ARHGEF18: variants seen among roughly 807,000 people sequenced by gnomAD.
The protein encoded by ARHGEF18 is Rho/Rac guanine nucleotide exchange factor 18, also known as rho guanine nucleotide exchange factor 18.
Under a neutral mutation model 155.7 loss-of-function variants are expected in ARHGEF18, and 93 were observed. That is an observed-to-expected ratio of 0.60 (90% confidence interval 0.50 to 0.71). ARHGEF18 has a LOEUF of 0.71. Ranked by LOEUF, ARHGEF18 falls within the 30% of genes least tolerant of loss-of-function variation. ARHGEF18 has a pLI of 0.00. For synonymous variants in ARHGEF18, 742 were observed against 753.1 expected, an observed-to-expected ratio of 0.99 and a Z score of 0.24; for missense variants, 1,593 against 1,816.1, an observed-to-expected ratio of 0.88 and a Z score of 2.23.
At chr19:7,398,908 G>T (rs1186368824) in intron 10 of ARHGEF18, among the ~76,000 whole-genome samples, 2 of 152,320 alleles carry the variant, frequency 1.3e-5, no homozygotes, top group East Asian at 3.9e-4. Context: ...GTGGTGACTG[G>T]CTGTGCCTCC....
chr19:7,380,073 G>C (rs1443228948), intron 7 of ARHGEF18, among the ~76,000 whole-genome samples: 1 of 151,604 alleles, frequency 6.6e-6, no homozygotes, highest in Non-Finnish European at 1.5e-5. Context: ...GGGGGTGTGG[G>C]GGTGTTGACG....
intron 10 of ARHGEF18, among the ~76,000 whole-genome samples, chr19:7,405,622 TG>T (rs1288276511): frequency 6.6e-6 from 1 of 152,248 alleles, no homozygotes; most frequent in African/African-American, 2.4e-5. Flanking sequence ...TTTTAGTTTT[TG>T]TTTTTGAAAC....
Position 7,367,707 on chromosome 19 carries a change from T to C in ARHGEF18, c.15+4802T>C, listed in dbSNP as rs1460502710. ...GTTGCAGTGAGCCAAGATCGCACCATTGCACTCCAGCCTAGGCAACAAGAG... is the reference window on the plus strand; with the variant it reads ...GTTGCAGTGAGCCAAGATCGCACCACTGCACTCCAGCCTAGGCAACAAGAG... On this transcript the variant is annotated intron_variant, in intron 2 of 28. Transcript: ENST00000668164. 2.8e-5 allele frequency among the ~76,000 whole-genome samples: 4 copies of C among 142,364 alleles called. No individual in the cohort carries two copies. The East Asian group carries it at 8.2e-4, about 29-fold the overall frequency. The allele number at this position is 142,364 out of a possible 152,430, so 93.4% of individuals were successfully genotyped here.
intron 23 of ARHGEF18, among the ~76,000 whole-genome samples, chr19:7,466,063 G>A (rs932948921): frequency 1.3e-5 from 2 of 151,038 alleles, no homozygotes; most frequent in South Asian, 2.1e-4. Flanking sequence ...TAGCCTGGGC[G>A]ACCAAGCAAG....
At chr19:7,424,996 G>C (rs1301932126) in intron 10 of ARHGEF18, among the ~76,000 whole-genome samples, 1 of 136,592 alleles carries the variant, frequency 7.3e-6, no homozygotes, top group South Asian at 2.3e-4. Flanking sequence ...ACGTCTCGGG[G>C]AAAAAAAAAA....
At chr19:7,371,767 G>A (rs903212330) in intron 2 of ARHGEF18, among the ~76,000 whole-genome samples, 1 of 151,790 alleles carries the variant, frequency 6.6e-6, no homozygotes, top group East Asian at 1.9e-4. Flanking sequence ...GTTGCAGTGA[G>A]CTGAGATTGT....
chr19:7,451,623 C>T (rs911888511), intron 16 of ARHGEF18, among the ~76,000 whole-genome samples: 1 of 151,914 alleles, frequency 6.6e-6, no homozygotes, highest in Non-Finnish European at 1.5e-5. Context: ...CTGTGTTACC[C>T]AGGCTGGTGT....
chr19:7,423,766 C>G (rs1973496624), intron 10 of ARHGEF18, among the ~76,000 whole-genome samples: 1 of 151,432 alleles, frequency 6.6e-6, no homozygotes, highest in Non-Finnish European at 1.5e-5. Context: ...CACCTGATGC[C>G]AAAGCCTGTG....
intron 10 of ARHGEF18, among the ~76,000 whole-genome samples, chr19:7,418,078 A>G (rs1973122446): frequency 6.6e-6 from 1 of 152,130 alleles, no homozygotes; most frequent in Admixed American, 6.6e-5. Flanking sequence ...TGAGCAGAGG[A>G]GGGACATGCC....
At position 7,470,041 on chromosome 19, in the gene ARHGEF18, C is replaced by A. The variant is rs1976926259; in HGVS notation, c.3913+12C>A. Reference sequence around the variant, plus strand: ...TGCGCCCCCACCAGGTGAGCCCCCACCCCCTGACATGAGCCCAGTCCCAGG... The same window carrying A: ...TGCGCCCCCACCAGGTGAGCCCCCAACCCCTGACATGAGCCCAGTCCCAGG... On this transcript the variant is annotated intron_variant, in intron 28 of 28. Transcript: ENST00000668164. This position sits in a 1 kb window ranked among gnomAD's most constrained non-coding sequence, Gnocchi z 5.9. 6.2e-7 allele frequency: 1 copy of A among 1,612,274 alleles called. No homozygotes were observed. Among genetic ancestry groups the A allele is most frequent in the East Asian group, 2.2e-5 (1 of 44,838 alleles).
rs762633646 is a variant in ARHGEF18 at position 7,467,697 on chromosome 19, C to T, written c.3480+13C>T. The T allele has an allele frequency of 1.1e-4, 161 of 1,472,826 alleles. No individual in the cohort carries two copies. Among genetic ancestry groups the T allele is most frequent in the Non-Finnish European group, 1.4e-4 (154 of 1,121,838 alleles). 91.2% of individuals were successfully genotyped at this position (1,472,826 alleles called of 1,614,324 possible). A position where few individuals can be genotyped will look rare whatever the true frequency, so the allele number is the denominator to read the frequency against. ...CACACTGGCCGAGGTGAGCGCGCAG[C>T]AGCCAGTGTGCGCAGGTTGGGGGTG... is the stretch of plus-strand genomic sequence containing the variant. On this transcript the variant is annotated intron_variant, in intron 26 of 28. Coordinates refer to ENST00000668164, the MANE Select transcript of ARHGEF18 (RefSeq NM_001367823.1).
chr19:7,375,722 T>C lies in ARHGEF18; in HGVS notation c.278T>C (p.Leu93Pro). 8.1e-7 allele frequency: 1 copy of C among 1,234,342 alleles called. No individual in the cohort carries two copies. Among genetic ancestry groups the C allele is most frequent in the Non-Finnish European group, 1.0e-6 (1 of 988,202 alleles). The allele number at this position is 1,234,342 out of a possible 1,614,324, so 76.5% of individuals were successfully genotyped here. A position where few individuals can be genotyped will look rare whatever the true frequency, so the allele number is the denominator to read the frequency against. Residue 93 changes from leucine (L) to proline (P), a missense_variant and splice_region_variant, in exon 4 of 29, where the codon CTC (leucine) becomes CCC (proline). Coordinates refer to ENST00000668164, the MANE Select transcript of ARHGEF18 (RefSeq NM_001367823.1). ...SRSCSESWRR[L>P]SLDASAVDEE... ...CAGTACCCTGTCTTCTCCACTAGGCTCAGCCTCGATGCCTCAGCTGTGGAT... is the reference window on the plus strand; with the variant it reads ...CAGTACCCTGTCTTCTCCACTAGGCCCAGCCTCGATGCCTCAGCTGTGGAT...
rs1975046493 is a variant in ARHGEF18, at chr19:7,447,097, G to A, written c.1666G>A (p.Gly556Ser). 1 of 1,613,640 alleles carries A rather than the reference G, an allele frequency of 6.2e-7. No homozygotes were observed. The highest frequency in any genetic ancestry group is 8.5e-7 in the Non-Finnish European group (1 of 1,179,924). Residue 556 changes from glycine to serine, a missense_variant, in exon 15 of 29, where the codon GGC becomes AGC. Physicochemically the swap from Gly to Ser is moderately conservative, Grantham distance 56. Transcript: ENST00000668164. The part of the protein sequence containing the change: ...MKEKYGVFCS[G>S]HNEAVSHYKL... ...AGAAAAGTACGGTGTGTTTTGTAGT[G>A]GCCACAATGAAGCTGTTAGTCATTA...
rs546007399 is a variant in ARHGEF18, at chr19:7,450,873, C to T, written c.1738-276C>T. ...AATGCGGCGTCTTGCTGTCCGTTTCCGAGATGTTAATGCGGGGTCTTGCTG... is the reference window on the plus strand; with the variant it reads ...AATGCGGCGTCTTGCTGTCCGTTTCTGAGATGTTAATGCGGGGTCTTGCTG... On this transcript the variant is annotated intron_variant, in intron 15 of 28. Coordinates refer to ENST00000668164, the MANE Select transcript of ARHGEF18 (RefSeq NM_001367823.1). Among the ~76,000 whole-genome samples the T allele has an allele frequency of 7.8e-4, 106 of 136,194 alleles. 1 individual carries two copies. The highest frequency in any genetic ancestry group is 3.0e-3 in the African/African-American group (102 of 34,376). 89.3% of individuals were successfully genotyped at this position (136,194 alleles called of 152,430 possible).
At chr19:7,399,182 T>A (rs1238316352) in intron 10 of ARHGEF18, among the ~76,000 whole-genome samples, 1 of 152,182 alleles carries the variant, frequency 6.6e-6, no homozygotes, top group Admixed American at 6.5e-5. Context: ...AAACCCTCTC[T>A]CTAGGTGCAA....
intron 10 of ARHGEF18, among the ~76,000 whole-genome samples, chr19:7,408,552 G>A (rs1187469931): frequency 5.3e-5 from 8 of 152,248 alleles, no homozygotes; most frequent in African/African-American, 1.7e-4. Flanking sequence ...TAGGGAACAG[G>A]AGGCCCTCAC....
the ARHGEF18 span, among the ~76,000 whole-genome samples, chr19:7,478,608 G>A: frequency 6.6e-6 from 1 of 152,038 alleles, no homozygotes. Context: ...TTCTGACGTG[G>A]CCATCCAGGG....
In ARHGEF18 at chr19:7,464,808, G is replaced by C. The variant is rs974107518; in HGVS notation, c.2904+118G>C. 2.9e-6 allele frequency: 4 copies of C among 1,356,008 alleles called. No individual in the cohort carries two copies. The East Asian group carries it at 1.0e-4, about 34-fold the overall frequency. 84.0% of individuals were successfully genotyped at this position (1,356,008 alleles called of 1,614,324 possible). ...TTATTAGCATCGACAAGCATTGTTTGTTTTGTGGTGAATAACAGTATCTCA... is the reference window on the plus strand; with the variant it reads ...TTATTAGCATCGACAAGCATTGTTTCTTTTGTGGTGAATAACAGTATCTCA... On this transcript the variant is annotated intron_variant, in intron 23 of 28. Transcript: ENST00000668164.
intron 14 of ARHGEF18, among the ~76,000 whole-genome samples, chr19:7,445,561 C>T (rs554202382): frequency 1.8e-4 from 28 of 152,262 alleles, no homozygotes; most frequent in African/African-American, 6.5e-4. Context: ...TTCATGTGAC[C>T]TCAAACTATT....
Sources: allele counts gnomAD v4.1 joint callset (sites outside exome capture counted in the v4.1 genomes callset), GRCh38; gene constraint gnomAD v4.1.1; non-coding constraint Gnocchi (gnomAD v3.1); transcripts MANE v1.5; gene names NCBI Gene and HGNC (gene_info 2026-07-23, HGNC 2026-07-21).